Variants in NCALD observed in about 807,000 individuals in gnomAD.
The protein encoded by NCALD is neurocalcin delta.
In NCALD, 10 loss-of-function variants were observed where a neutral mutation model predicts 18.6. The ratio of observed to expected loss-of-function variants is 0.54; its 90% CI spans 0.33 to 0.91. The LOEUF is 0.91. NCALD is among the 40% of genes least tolerant of loss of function. NCALD has a pLI of 0.03. For synonymous variants in NCALD, 88 were observed against 87.4 expected, an observed-to-expected ratio of 1.01 and a Z score of -0.04; for missense variants, 184 against 247.6, an observed-to-expected ratio of 0.74 and a Z score of 1.72.
chr8:102,034,385 A>G (rs188838988), intron 1 of NCALD, among the ~76,000 whole-genome samples: 1 of 152,224 alleles, frequency 6.6e-6, no homozygotes, highest in Non-Finnish European at 1.5e-5. Context: ...AATTGCATCA[A>G]CAGAAGCATT....
At chr8:101,877,818 T>A (rs780141611) in intron 4 of NCALD, among the ~76,000 whole-genome samples, 1 of 152,210 alleles carries the variant, frequency 6.6e-6, no homozygotes, top group Non-Finnish European at 1.5e-5. Context: ...CCTCTGGTTC[T>A]GGGGAAGAGC....
intron 2 of NCALD, among the ~76,000 whole-genome samples, chr8:101,929,099 C>T (rs1818444403): frequency 6.6e-6 from 1 of 151,596 alleles, no homozygotes; most frequent in South Asian, 2.1e-4. Context: ...TCAAATCATT[C>T]TGTAAAATCT....
intron 1 of NCALD, among the ~76,000 whole-genome samples, chr8:101,731,753 C>T (rs1199193769): frequency 2.0e-5 from 3 of 152,182 alleles, no homozygotes; most frequent in Non-Finnish European, 4.4e-5. Context: ...CCCAGCTACT[C>T]CAAGTCCATC....
intron 4 of NCALD, among the ~76,000 whole-genome samples, chr8:101,801,642 A>T (rs933181040): frequency 1.2e-4 from 8 of 64,644 alleles, no homozygotes; most frequent in Admixed American, 4.3e-4. Context: ...AAGCACACTT[A>T]CTTTTTTTTT....
At chr8:102,004,240 CAAAG>C (rs1395778401) in intron 2 of NCALD, among the ~76,000 whole-genome samples, 1 of 152,088 alleles carries the variant, frequency 6.6e-6, no homozygotes, top group Non-Finnish European at 1.5e-5. Flanking sequence ...CAACAACAGA[CAAAG>C]AGAGAGCCAA....
intron 4 of NCALD, among the ~76,000 whole-genome samples, chr8:101,856,601 G>C (rs1311869036): frequency 6.6e-6 from 1 of 152,060 alleles, no homozygotes; most frequent in Non-Finnish European, 1.5e-5. Flanking sequence ...TAAAATATCA[G>C]AGCTTATTTA....
At chr8:101,691,436 C>T (rs765670394) in intron 3 of NCALD, 275 of 985,324 alleles carry the variant, frequency 2.8e-4, no homozygotes, top group Admixed American at 6.8e-4. Flanking sequence ...GTGATCAACA[C>T]ACAGTTAGGG....
intron 4 of NCALD, among the ~76,000 whole-genome samples, chr8:101,800,189 A>C (rs976350770): frequency 6.6e-6 from 1 of 152,226 alleles, no homozygotes; most frequent in Non-Finnish European, 1.5e-5. Flanking sequence ...TACTAATTTT[A>C]TAAAATTAGA....
intron 2 of NCALD, among the ~76,000 whole-genome samples, chr8:101,700,769 G>C (rs1290397614): frequency 6.6e-6 from 1 of 152,176 alleles, no homozygotes; most frequent in Middle Eastern, 3.2e-3. Context: ...TTAGGCTAAA[G>C]GAGTGGGGTT....
intron 4 of NCALD, among the ~76,000 whole-genome samples, chr8:101,877,902 G>A (rs1816295820): frequency 6.6e-6 from 1 of 152,168 alleles, no homozygotes; most frequent in Non-Finnish European, 1.5e-5. Context: ...ACTCCAGAAT[G>A]TACCCTTAGG....
upstream of NCALD, among the ~76,000 whole-genome samples, chr8:101,792,468 C>CA (rs1223559372): frequency 7.2e-5 from 11 of 152,186 alleles, no homozygotes; most frequent in African/African-American, 2.7e-4. Context: ...TGTGGCACTG[C>CA]AAAACCGAAA....
At chr8:101,895,265 CATG>C (rs1271864657) in intron 3 of NCALD, among the ~76,000 whole-genome samples, 2 of 131,144 alleles carry the variant, frequency 1.5e-5, no homozygotes, top group Non-Finnish European at 3.0e-5. Flanking sequence ...ACAAAAACCA[CATG>C]ATTATGTCAA....
chr8:101,977,007 C>A (rs149633617), intron 2 of NCALD, among the ~76,000 whole-genome samples: 2 of 152,042 alleles, frequency 1.3e-5, no homozygotes, highest in African/African-American at 2.4e-5. Context: ...AGCAGGCTTA[C>A]GTGGAGATAC....
chr8:101,825,723 G>T (rs1023171083), intron 4 of NCALD, among the ~76,000 whole-genome samples: 1 of 152,022 alleles, frequency 6.6e-6, no homozygotes, highest in Admixed American at 6.6e-5. Flanking sequence ...TTAAAGCAGG[G>T]GTCTGTGAAC....
intron 3 of NCALD, among the ~76,000 whole-genome samples, chr8:101,897,339 C>T (rs577166440): frequency 1.8e-3 from 258 of 139,802 alleles, no homozygotes; most frequent in Non-Finnish European, 2.9e-3. Context: ...ACACAGGAAG[C>T]GGAATATCAC....
intron 3 of NCALD, among the ~76,000 whole-genome samples, chr8:101,892,214 C>T (rs1434424820): frequency 6.7e-6 from 1 of 149,436 alleles, no homozygotes; most frequent in East Asian, 1.9e-4. Flanking sequence ...CCCTGACCCC[C>T]GAGCAGCCGA....
intron 2 of NCALD, among the ~76,000 whole-genome samples, chr8:101,941,238 G>A (rs1015088065): frequency 7.2e-5 from 11 of 152,150 alleles, no homozygotes; most frequent in South Asian, 2.1e-4. Context: ...ACATGGTTTC[G>A]GGATGAAACT....
intron 1 of NCALD, among the ~76,000 whole-genome samples, chr8:101,776,435 T>G (rs1811794379): frequency 6.6e-6 from 1 of 152,192 alleles, no homozygotes; most frequent in Non-Finnish European, 1.5e-5. Context: ...ATTAACAGCC[T>G]GCTTCCTTTT....
At chr8:101,798,924 A>G (rs1013099524) in intron 4 of NCALD, among the ~76,000 whole-genome samples, 1 of 152,224 alleles carries the variant, frequency 6.6e-6, no homozygotes, top group South Asian at 2.1e-4. Context: ...TTTTTTCAAC[A>G]TATGGTACTG....
Sources: gnomAD v4.1 joint callset for allele counts (sites outside exome capture counted in the v4.1 genomes callset) on GRCh38, gnomAD v4.1.1 for gene constraint, MANE v1.5 for transcripts, NCBI Gene and HGNC (gene_info 2026-07-23, HGNC 2026-07-21) for gene names.